VARS2: variants seen among roughly 807,000 people sequenced by gnomAD.
The protein encoded by VARS2 is valine--tRNA ligase, mitochondrial.
In VARS2, 105 loss-of-function variants were observed where a neutral mutation model predicts 154.1. That is an observed-to-expected ratio of 0.68 (90% CI 0.58 to 0.80). The LOEUF is 0.80. VARS2 is among the 30% of genes least tolerant of loss of function. The pLI is 0.00. For synonymous variants in VARS2, 483 were observed against 539.5 expected, an observed-to-expected ratio of 0.90 and a Z score of 1.45; for missense variants, 1,157 against 1,361.4, an observed-to-expected ratio of 0.85 and a Z score of 2.36.
Position 30,920,388 on chromosome 6 carries a change from G to A in VARS2, c.1349G>A (p.Gly450Asp). ...ATAATGTCTGTGCTGAGTGAATGGG[G>A]CCTGTTCCGGGGCCTCCAGAACCAC... ...EKIMSVLSEW[G>D]LFRGLQNHPM... Residue 450 changes from glycine to aspartate, a missense_variant, in exon 14 of 30, where the codon GGC (glycine) becomes GAC (aspartate). By Grantham distance (94) the Gly-to-Asp change is moderately conservative. Coordinates refer to ENST00000676266, the MANE Select transcript of VARS2 (RefSeq NM_020442.6). This position sits in a 1 kb window ranked among gnomAD's most constrained non-coding sequence, Gnocchi z 4.6. The A allele has an allele frequency of 6.2e-7, 1 of 1,612,876 alleles. No homozygotes were observed. Among genetic ancestry groups the A allele is most frequent in the Middle Eastern group, 1.7e-4 (1 of 6,056 alleles).
chr6:30,922,302 T>C, intron 20 of VARS2, 61 bp downstream of exon 20: 1 of 1,595,740 alleles, frequency 6.3e-7, no homozygotes, highest in Admixed American at 1.7e-5. Flanking sequence ...AACCTTGTCC[T>C]CCCTTCTAAC....
chr6:30,918,166 C>T (rs1254962557), intron 10 of VARS2, among the ~76,000 whole-genome samples: 1 of 152,242 alleles, frequency 6.6e-6, no homozygotes, highest in Non-Finnish European at 1.5e-5. Context: ...TTCCCAGGTT[C>T]AAGCGATTCT....
In VARS2 at chr6:30,916,793, C is replaced by A; in HGVS notation, c.672-85C>A. On this transcript the variant is annotated intron_variant, in intron 7 of 29. Transcript: ENST00000676266. This position sits in a 1 kb window ranked among gnomAD's most constrained non-coding sequence, Gnocchi z 4.0. ...ATCCTCACTTGATTTTCCTCCAACA[C>A]CTGGCATTGCTGGGGGCATCGCTGG... 1 of 1,366,464 alleles carries A rather than the reference C, an allele frequency of 7.3e-7. No individual in the cohort carries two copies. Among genetic ancestry groups the A allele is most frequent in the Non-Finnish European group, 1.0e-6 (1 of 956,170 alleles). 84.6% of individuals were successfully genotyped at this position (1,366,464 alleles called of 1,614,324 possible).
In VARS2 at chr6:30,915,417, TGGTG is replaced by T; in HGVS notation, c.350_353del (p.Trp117TyrfsTer87). 1 of 1,614,164 alleles carries T rather than the reference TGGTG, an allele frequency of 6.2e-7. No homozygotes were observed. The highest frequency in any genetic ancestry group is 2.2e-5 in the East Asian group (1 of 44,878). Reference sequence around the variant, plus strand: ...ATATGTTGAGGCTGCCTGGTACCCGTGGTGGGTACGAGAGGGCTTCTTCAAACCA... The same window carrying T: ...ATATGTTGAGGCTGCCTGGTACCCGTGGTACGAGAGGGCTTCTTCAAACCA... On this transcript the variant is annotated frameshift_variant, in exon 4 of 30. Transcript: ENST00000676266. LOFTEE classifies it high-confidence loss of function.
At chr6:30,915,603 C>T (rs1046076495) in intron 4 of VARS2, 143 bp from the exon 5 acceptor site, 29 of 1,477,592 alleles carry the variant, frequency 2.0e-5, no homozygotes, top group South Asian at 2.6e-5. Flanking sequence ...GCAGGTTCCC[C>T]CTGGCCAATT....
chr6:30,918,339 T>G (rs550032819), intron 10 of VARS2, among the ~76,000 whole-genome samples: 1 of 152,378 alleles, frequency 6.6e-6, no homozygotes, highest in South Asian at 2.1e-4. Context: ...GTGCTGGGAT[T>G]ACGGGCGTGA....
Position 30,923,343 on chromosome 6 carries a change from C to T in VARS2, c.2314-10C>T. 1 of 1,608,032 alleles carries T rather than the reference C, an allele frequency of 6.2e-7. No individual in the cohort carries two copies. Among genetic ancestry groups the T allele is most frequent in the Non-Finnish European group, 8.5e-7 (1 of 1,176,308 alleles). ...GGGGAGTCAGGCCATCCTGCCCCCT[C>T]TGCCTGCAGCTGTCTCCCTCCTCCC... On this transcript the variant is annotated splice_polypyrimidine_tract_variant and intron_variant, in intron 24 of 29. Coordinates refer to ENST00000676266, the MANE Select transcript of VARS2 (RefSeq NM_020442.6).
rs1264769716 is a variant in VARS2 at position 30,917,298 on chromosome 6, T to C, written c.873+74T>C. The C allele has an allele frequency of 1.2e-6, 2 of 1,608,464 alleles. No homozygotes were observed. Among genetic ancestry groups the C allele is most frequent in the East Asian group, 2.2e-5 (1 of 44,792 alleles). On this transcript the variant is annotated intron_variant, in intron 9 of 29. Coordinates refer to ENST00000676266, the MANE Select transcript of VARS2 (RefSeq NM_020442.6). The surrounding 1 kb of genome is among the most constrained non-coding windows in gnomAD (Gnocchi z 4.4). ...GGTCAATGATTAAGAGCTCAGACTCTGGAGCCAGGGTGCCTGGATTCAAAT... is the reference window on the plus strand; with the variant it reads ...GGTCAATGATTAAGAGCTCAGACTCCGGAGCCAGGGTGCCTGGATTCAAAT...
At position 30,922,581 on chromosome 6, in the gene VARS2, A is replaced by G. The variant is rs757878501; in HGVS notation, c.2037+27A>G. On this transcript the variant is annotated intron_variant, in intron 21 of 29. Coordinates refer to ENST00000676266, the MANE Select transcript of VARS2 (RefSeq NM_020442.6). ...TGAGGACGAAGCACCCACTAGAGGG[A>G]CAAGGTTTGCAGGGTTTGCAGGAGA... The G allele has an allele frequency of 6.4e-6, 10 of 1,558,644 alleles. No homozygotes were observed. In the South Asian group the frequency reaches 1.2e-4, roughly 19 times the overall value.
chr6:30,916,858 A>T lies in VARS2; in HGVS notation c.672-20A>T. 6.2e-7 allele frequency: 1 copy of T among 1,613,888 alleles called. No individual in the cohort carries two copies. Among genetic ancestry groups the T allele is most frequent in the Non-Finnish European group, 8.5e-7 (1 of 1,179,796 alleles). On this transcript the variant is annotated intron_variant, in intron 7 of 29. Transcript: ENST00000676266. The surrounding 1 kb of genome is among the most constrained non-coding windows in gnomAD (Gnocchi z 4.0). The stretch of plus-strand genomic sequence containing the variant: ...AAGTGCTTGGGAAGTGTTTGCTGAC[A>T]AGGATCTCTCTGGGCACAGGAAAGG...
intron 25 of VARS2, 187 bp downstream of exon 25, chr6:30,923,692 GT>G: frequency 1.3e-6 from 1 of 773,220 alleles, no homozygotes; most frequent in Non-Finnish European, 2.0e-6. Flanking sequence ...CCCAGGCACT[GT>G]TGCCTGCCTG....
chr6:30,922,211 C>T lies in VARS2; in HGVS notation c.1902C>T (p.Thr634=). 1 of 1,612,604 alleles carries T rather than the reference C, an allele frequency of 6.2e-7. No individual in the cohort carries two copies. The highest frequency in any genetic ancestry group is 2.2e-5 in the East Asian group (1 of 44,874). The part of the protein sequence containing the change: ...FWVGRMVMLG[T]QLTGQLPFSK... Reference sequence around the variant, plus strand: ...TGGGCCGCATGGTCATGTTGGGGACCCAGCTCACAGGGCAGCTGCCCTTCA... The same window carrying T: ...TGGGCCGCATGGTCATGTTGGGGACTCAGCTCACAGGGCAGCTGCCCTTCA... Residue 634 remains threonine (T), a synonymous_variant, in exon 20 of 30, where the codon ACC becomes ACT. Transcript: ENST00000676266.
At position 30,917,824 on chromosome 6, in the gene VARS2, C is replaced by T. The variant is rs1298104398; in HGVS notation, c.985+18C>T. On this transcript the variant is annotated intron_variant, in intron 10 of 29. Coordinates refer to ENST00000676266, the MANE Select transcript of VARS2 (RefSeq NM_020442.6). This position sits in a 1 kb window ranked among gnomAD's most constrained non-coding sequence, Gnocchi z 4.4. Reference sequence around the variant, plus strand: ...AGAGCCTGGTGAGCATAGTACTCTGCAGGGTCACCCGTTTACCTCCATTTT... The same window carrying T: ...AGAGCCTGGTGAGCATAGTACTCTGTAGGGTCACCCGTTTACCTCCATTTT... The T allele has an allele frequency of 1.3e-6, 2 of 1,550,110 alleles. No individual in the cohort carries two copies. Among genetic ancestry groups the T allele is most frequent in the Non-Finnish European group, 1.7e-6 (2 of 1,145,534 alleles).
At position 30,918,716 on chromosome 6, in the gene VARS2, C is replaced by T. The variant is rs1332770526; in HGVS notation, c.986-111C>T. On this transcript the variant is annotated intron_variant, in intron 10 of 29. Coordinates refer to ENST00000676266, the MANE Select transcript of VARS2 (RefSeq NM_020442.6). Reference sequence around the variant, plus strand: ...TAGTCACTCCTGGGGGCCTCTTCCACCTTGACTACTCCCTGCCCCTTCCCC... The same window carrying T: ...TAGTCACTCCTGGGGGCCTCTTCCATCTTGACTACTCCCTGCCCCTTCCCC... 3 of 893,528 alleles carry T rather than the reference C, an allele frequency of 3.4e-6. No individual in the cohort carries two copies. The African/African-American group carries it at 5.2e-5, about 15-fold the overall frequency. The allele number at this position is 893,528 out of a possible 1,614,324, so 55.3% of individuals were successfully genotyped here.
rs1265249957 is a variant in VARS2 at position 30,922,467 on chromosome 6, G to A, written c.1950G>A (p.Met650Ile). ...LPFSKVLLHP[M>I]VRDRQGRKMS... ...GCCCCCAGGTGCTTCTTCATCCCAT[G>A]GTTCGGGACAGGCAGGGCCGGAAGA... Residue 650 changes from methionine to isoleucine, a missense_variant, in exon 21 of 30, where the codon ATG becomes ATA. Transcript: ENST00000676266. 1.2e-6 allele frequency: 2 copies of A among 1,602,796 alleles called. No individual in the cohort carries two copies. The highest frequency in any genetic ancestry group is 8.5e-7 in the Non-Finnish European group (1 of 1,175,588).
At position 30,920,774 on chromosome 6, in the gene VARS2, T is replaced by TG. The variant is rs1794461593; in HGVS notation, c.1479+29dup. ...GGTGAGGCTGCAGTGTAGGAAGGAC[T>TG]GGGGCCAGGGGTTGGGGGAGCTCCC... On this transcript the variant is annotated intron_variant, in intron 15 of 29. Coordinates refer to ENST00000676266, the MANE Select transcript of VARS2 (RefSeq NM_020442.6). The surrounding 1 kb of genome is among the most constrained non-coding windows in gnomAD (Gnocchi z 4.6). The TG allele has an allele frequency of 3.9e-6, 6 of 1,542,554 alleles. No individual in the cohort carries two copies. The highest frequency in any genetic ancestry group is 4.4e-6 in the Non-Finnish European group (5 of 1,142,768).
chr6:30,917,165 C>G lies in VARS2; in HGVS notation c.814C>G (p.Arg272Gly). The G allele has an allele frequency of 6.2e-7, 1 of 1,614,158 alleles. No individual in the cohort carries two copies. Among genetic ancestry groups the G allele is most frequent in the Non-Finnish European group, 8.5e-7 (1 of 1,180,040 alleles). ...VRLYKAGLLYRNHQLVNWSCA... is the reference protein window; with the variant it reads ...VRLYKAGLLYGNHQLVNWSCA... The stretch of plus-strand genomic sequence containing the variant: ...GCTCTACAAGGCGGGGTTGCTGTAC[C>G]GGAACCATCAGCTTGTCAACTGGTC... The change falls in exon 9 of 30, where the codon CGG (arginine) becomes GGG (glycine). Residue 272 changes from arginine (R) to glycine (G), a missense_variant. Transcript: ENST00000676266. This position sits in a 1 kb window ranked among gnomAD's most constrained non-coding sequence, Gnocchi z 4.4.
intron 20 of VARS2, 59 bp downstream of exon 20, chr6:30,922,300 C>A: frequency 6.3e-7 from 1 of 1,595,846 alleles, no homozygotes; most frequent in Non-Finnish European, 8.5e-7. Flanking sequence ...CAAACCTTGT[C>A]CTCCCTTCTA....
rs1379494670 is a variant in VARS2 at position 30,917,012 on chromosome 6, TG to T, written c.753+54del. On this transcript the variant is annotated intron_variant, in intron 8 of 29. Coordinates refer to ENST00000676266, the MANE Select transcript of VARS2 (RefSeq NM_020442.6). The surrounding 1 kb of genome is among the most constrained non-coding windows in gnomAD (Gnocchi z 4.4). ...GAGTGATGGGCGATGTTTAGGGATC[TG>T]TGTGGGGCAGGGAGGAAGCAATGCC... 1 of 1,613,310 alleles carries T rather than the reference TG, an allele frequency of 6.2e-7. No homozygotes were observed. The highest frequency in any genetic ancestry group is 8.5e-7 in the Non-Finnish European group (1 of 1,179,402).
Sources: allele counts gnomAD v4.1 joint callset (sites outside exome capture counted in the v4.1 genomes callset), GRCh38; gene constraint gnomAD v4.1.1; non-coding constraint Gnocchi (gnomAD v3.1); transcripts MANE v1.5; gene names NCBI Gene and HGNC (gene_info 2026-07-23, HGNC 2026-07-21).